Variants in PTPN2 observed in about 807,000 individuals in gnomAD.
The protein encoded by PTPN2 is protein tyrosine phosphatase non-receptor type 2.
PTPN2 carries 19 observed loss-of-function variants against 57.3 expected under a neutral mutation model. The ratio of observed to expected loss-of-function variants is 0.33; its 90% CI spans 0.23 to 0.49. The LOEUF is 0.49. PTPN2 is among the 20% of genes least tolerant of loss of function. PTPN2 has a pLI of 0.99. For missense variants in PTPN2, 358 were observed against 501.1 expected, an observed-to-expected ratio of 0.71 and a Z score of 2.73; for synonymous variants, 153 against 164.9, an observed-to-expected ratio of 0.93 and a Z score of 0.55.
At chr18:12,821,092 C>G (rs1192482340) in intron 5 of PTPN2, among the ~76,000 whole-genome samples, 1 of 152,158 alleles carries the variant, frequency 6.6e-6, no homozygotes, top group African/African-American at 2.4e-5. Context: ...CTATACAGCT[C>G]TATGACCCCA....
chr18:12,846,279 G>A (rs1338905213), intron 2 of PTPN2, among the ~76,000 whole-genome samples: 4 of 152,056 alleles, frequency 2.6e-5, no homozygotes, highest in Non-Finnish European at 5.9e-5. Flanking sequence ...ATTTTGTAAA[G>A]GGATACTTCA....
At chr18:12,825,541 C>A (rs2042420401) in intron 5 of PTPN2, among the ~76,000 whole-genome samples, 1 of 151,862 alleles carries the variant, frequency 6.6e-6, no homozygotes, top group African/African-American at 2.4e-5. Flanking sequence ...ATTCTAAAGC[C>A]CTCTCTATTA....
At chr18:12,808,001 T>C (rs2041747051) in intron 7 of PTPN2, among the ~76,000 whole-genome samples, 2 of 151,894 alleles carry the variant, frequency 1.3e-5, no homozygotes, top group African/African-American at 2.4e-5. Flanking sequence ...CTGGGCAACA[T>C]GGTGAGACCC....
At chr18:12,861,107 T>A (rs1364958702) in intron 1 of PTPN2, among the ~76,000 whole-genome samples, 1 of 152,176 alleles carries the variant, frequency 6.6e-6, no homozygotes, top group East Asian at 1.9e-4. Flanking sequence ...CCCAAAGTGC[T>A]AGGATTACAG....
At chr18:12,789,232 C>G (rs2099447934), downstream of PTPN2, among the ~76,000 whole-genome samples, 1 of 152,132 alleles carries the variant, frequency 6.6e-6, no homozygotes, top group Non-Finnish European at 1.5e-5. Flanking sequence ...AAGCCAGGCC[C>G]AGTCAGGGCT....
intron 1 of PTPN2, among the ~76,000 whole-genome samples, chr18:12,868,812 T>C (rs1453340862): frequency 6.6e-6 from 1 of 151,388 alleles, no homozygotes; most frequent in Non-Finnish European, 1.5e-5. Flanking sequence ...TCCTGATTTG[T>C]TTTAACAAGT....
intron 2 of PTPN2, chr18:12,840,915 C>T (rs2145413258): frequency 2.6e-6 from 4 of 1,530,950 alleles, no homozygotes; most frequent in Non-Finnish European, 3.5e-6. Context: ...ACTAGACGCT[C>T]TGATGGAATG....
chr18:12,865,822 A>C (rs1293400285), intron 1 of PTPN2, among the ~76,000 whole-genome samples: 1 of 151,984 alleles, frequency 6.6e-6, no homozygotes, highest in Non-Finnish European at 1.5e-5. Context: ...CCAAAAAAAA[A>C]ACCAAAAAAC....
chr18:12,794,753 C>T (rs1040538175), intron 8 of PTPN2, among the ~76,000 whole-genome samples: 3 of 152,178 alleles, frequency 2.0e-5, no homozygotes, highest in Admixed American at 2.0e-4. Flanking sequence ...TCCCAAGTAA[C>T]TGAGACTGCA....
downstream of PTPN2, among the ~76,000 whole-genome samples, chr18:12,789,559 G>A (rs1475070770): frequency 1.3e-5 from 2 of 152,228 alleles, no homozygotes; most frequent in African/African-American, 4.8e-5. Context: ...GTTCTGCTAT[G>A]CACTGTGCGT....
At chr18:12,840,912 G>T in intron 2 of PTPN2, 1 of 1,533,298 alleles carries the variant, frequency 6.5e-7, no homozygotes, top group Non-Finnish European at 8.7e-7. Flanking sequence ...CTAACTAGAC[G>T]CTCTGATGGA....
intron 8 of PTPN2, among the ~76,000 whole-genome samples, chr18:12,797,703 T>C (rs2041245407): frequency 6.6e-6 from 1 of 152,184 alleles, no homozygotes; most frequent in Non-Finnish European, 1.5e-5. Flanking sequence ...AAATGGGACC[T>C]GCCCAGGTTT....
chr18:12,878,910 G>C (rs1336817525), intron 1 of PTPN2, among the ~76,000 whole-genome samples: 3 of 152,160 alleles, frequency 2.0e-5, no homozygotes, highest in Non-Finnish European at 4.4e-5. Flanking sequence ...TCACTTCTTA[G>C]AAACAACCCA....
chr18:12,841,034 T>C (rs2043026797), intron 2 of PTPN2: 1 of 1,343,584 alleles, frequency 7.4e-7, no homozygotes, highest in Non-Finnish European at 9.8e-7. Flanking sequence ...GGTAAGACAT[T>C]ATTTGTTTGA....
chr18:12,815,039 G>A (rs1420631491), intron 6 of PTPN2, among the ~76,000 whole-genome samples: 1 of 151,586 alleles, frequency 6.6e-6, no homozygotes, highest in Non-Finnish European at 1.5e-5. Flanking sequence ...AGGTCAGATA[G>A]TGCCACTATA....
intron 7 of PTPN2, among the ~76,000 whole-genome samples, chr18:12,810,775 C>G (rs1389520094): frequency 6.6e-6 from 1 of 152,104 alleles, no homozygotes; most frequent in Non-Finnish European, 1.5e-5. Flanking sequence ...AGGAAATAGA[C>G]CTCCGGGAAA....
At chr18:12,829,231 C>CA (rs937847259) in intron 4 of PTPN2, among the ~76,000 whole-genome samples, 1 of 152,040 alleles carries the variant, frequency 6.6e-6, no homozygotes, top group African/African-American at 2.4e-5. Flanking sequence ...AAAAAGGACT[C>CA]AGAGCTGGGT....
At chr18:12,802,802 A>ATTT (rs2041482322) in intron 7 of PTPN2, among the ~76,000 whole-genome samples, 2 of 152,332 alleles carry the variant, frequency 1.3e-5, no homozygotes, top group South Asian at 4.1e-4. Flanking sequence ...TCTTTCCCAG[A>ATTT]CAAGCAAAAG....
chr18:12,870,300 T>C (rs1164501940), intron 1 of PTPN2, among the ~76,000 whole-genome samples: 80 of 88,488 alleles, frequency 9.0e-4, no homozygotes, highest in African/African-American at 4.1e-3. Flanking sequence ...CATATATATG[T>C]GTATATATAC....
Sources: allele counts gnomAD v4.1 joint callset (sites outside exome capture counted in the v4.1 genomes callset), GRCh38; gene constraint gnomAD v4.1.1; transcripts MANE v1.5; gene names NCBI Gene and HGNC (gene_info 2026-07-23, HGNC 2026-07-21).